Variants in ADAMTS12 observed in about 807,000 individuals in gnomAD.
ADAMTS12 encodes A disintegrin and metalloproteinase with thrombospondin motifs 12.
Under a neutral mutation model 167.8 loss-of-function variants are expected in ADAMTS12, and 118 were observed. The observed-to-expected ratio is 0.70, with a 90% CI of 0.61 to 0.82. The LOEUF (loss-of-function observed/expected upper bound fraction) is 0.82, where lower values mean the gene tolerates loss of function less well. Among genes scored for constraint, ADAMTS12 ranks in the 40% least tolerant of loss-of-function variants. The pLI, the probability that ADAMTS12 is intolerant of heterozygous loss-of-function variation, is 0.00. For missense variants in ADAMTS12, 1,916 were observed against 1,998.8 expected (o/e 0.96, Z 0.79); for synonymous variants, 704 against 716.9 (o/e 0.98, Z 0.29).
chr5:33,696,170 C>T (rs1742753308), intron 3 of ADAMTS12, among the ~76,000 whole-genome samples: 1 of 151,988 alleles, frequency 6.6e-6, no homozygotes, highest in African/African-American at 2.4e-5. Context: ...GCCTGTAATC[C>T]CAGCACTTTG....
At chr5:33,571,436 A>G (rs555303044) in intron 19 of ADAMTS12, among the ~76,000 whole-genome samples, 20 of 152,336 alleles carry the variant, frequency 1.3e-4, no homozygotes, top group African/African-American at 4.3e-4. Flanking sequence ...CTCAGGATTA[A>G]GAAACTCCCT....
intron 22 of ADAMTS12, among the ~76,000 whole-genome samples, chr5:33,542,616 A>C (rs1306755662): frequency 6.6e-6 from 1 of 152,214 alleles, no homozygotes; most frequent in Non-Finnish European, 1.5e-5. Context: ...ATTGGAAGTA[A>C]AGCACTCCTC....
Position 33,527,012 on chromosome 5 carries a change from G to A in ADAMTS12, c.*176C>T. 1 of 775,102 alleles carries A rather than the reference G, an allele frequency of 1.3e-6. No homozygotes were observed. Among genetic ancestry groups the A allele is most frequent in the Non-Finnish European group, 2.0e-6 (1 of 492,106 alleles). The allele number at this position is 775,102 out of a possible 1,614,324, so 48.0% of individuals were successfully genotyped here. On this transcript the variant is annotated 3_prime_UTR_variant, in exon 24 of 24. Transcript: ENST00000504830. ...GGGAGCAGCAAGTACGGCAGCCTAGGCCTCCTGTGAGGGACATTCGGTGGC... is the reference window on the plus strand; with the variant it reads ...GGGAGCAGCAAGTACGGCAGCCTAGACCTCCTGTGAGGGACATTCGGTGGC...
chr5:33,779,791 G>A (rs973532184), intron 2 of ADAMTS12, among the ~76,000 whole-genome samples: 31 of 152,258 alleles, frequency 2.0e-4, no homozygotes, highest in African/African-American at 7.2e-4. Flanking sequence ...GAGAGAGCAG[G>A]ATGGTTGTCA....
chr5:33,802,232 A>G (rs1747039700), intron 2 of ADAMTS12, among the ~76,000 whole-genome samples: 1 of 152,220 alleles, frequency 6.6e-6, no homozygotes, highest in African/African-American at 2.4e-5. Flanking sequence ...ATTTTGTTAT[A>G]GCAGCCCAAA....
intron 5 of ADAMTS12, among the ~76,000 whole-genome samples, chr5:33,670,741 T>C (rs1003949716): frequency 4.6e-5 from 7 of 152,098 alleles, no homozygotes; most frequent in African/African-American, 1.4e-4. Context: ...AGACTCTATC[T>C]CAAAAAACAA....
chr5:33,671,491 TCAAAA>T (rs899775607), intron 5 of ADAMTS12, among the ~76,000 whole-genome samples: 3 of 152,092 alleles, frequency 2.0e-5, no homozygotes, highest in Admixed American at 2.0e-4. Context: ...TACAATGAAC[TCAAAA>T]CAAACAGAAA....
At chr5:33,626,257 G>T (rs1275357460) in intron 13 of ADAMTS12, among the ~76,000 whole-genome samples, 1 of 151,926 alleles carries the variant, frequency 6.6e-6, no homozygotes, top group African/African-American at 2.4e-5. Context: ...TGGGGGGCAG[G>T]ATGGTGGTAG....
chr5:33,716,557 T>C (rs187509927), intron 3 of ADAMTS12, among the ~76,000 whole-genome samples: 4 of 152,276 alleles, frequency 2.6e-5, no homozygotes, highest in African/African-American at 7.2e-5. Flanking sequence ...TCTCCTGTCC[T>C]CCTATGAATC....
chr5:33,849,248 A>C (rs1749093460), intron 2 of ADAMTS12, among the ~76,000 whole-genome samples: 1 of 105,832 alleles, frequency 9.4e-6, no homozygotes, highest in Admixed American at 1.0e-4. Flanking sequence ...TTGCATAGCA[A>C]TATATATATA....
intron 2 of ADAMTS12, among the ~76,000 whole-genome samples, chr5:33,857,155 G>C (rs1400665389): frequency 6.6e-6 from 1 of 152,180 alleles, no homozygotes; most frequent in Non-Finnish European, 1.5e-5. Flanking sequence ...GTGAAGTAAG[G>C]CAGCTGCAGA....
At chr5:33,726,321 T>C (rs1210999151) in intron 3 of ADAMTS12, among the ~76,000 whole-genome samples, 2 of 152,206 alleles carry the variant, frequency 1.3e-5, no homozygotes, top group South Asian at 2.1e-4. Flanking sequence ...GCTGCAGGTG[T>C]GAGCTCCTAA....
intron 3 of ADAMTS12, among the ~76,000 whole-genome samples, chr5:33,712,449 T>C (rs1458192704): frequency 2.0e-5 from 3 of 152,080 alleles, no homozygotes; most frequent in Non-Finnish European, 4.4e-5. Flanking sequence ...GAGCAGCAAG[T>C]TGTGAAAAGG....
intron 3 of ADAMTS12, among the ~76,000 whole-genome samples, chr5:33,721,817 A>G (rs1470074464): frequency 6.6e-6 from 1 of 152,154 alleles, no homozygotes; most frequent in Non-Finnish European, 1.5e-5. Context: ...GCTGAGAGTG[A>G]CACCCGGCAG....
intron 9 of ADAMTS12, among the ~76,000 whole-genome samples, chr5:33,645,592 C>T (rs1165040981): frequency 5.3e-5 from 8 of 151,868 alleles, no homozygotes; most frequent in South Asian, 2.1e-4. Flanking sequence ...TCCTTCTTTC[C>T]GAGGATTTCT....
intron 7 of ADAMTS12, 95 bp from the exon 8 acceptor site, chr5:33,649,792 A>C: frequency 6.7e-7 from 1 of 1,503,642 alleles, no homozygotes; most frequent in African/African-American, 1.4e-5. Context: ...TAACTCACAG[A>C]CAGCCACGTT....
chr5:33,646,735 GT>G (rs10714825), intron 9 of ADAMTS12, among the ~76,000 whole-genome samples: 85,704 of 151,514 alleles, frequency 0.57, 24,850 homozygotes, highest in East Asian at 0.67. Flanking sequence ...CACGTAATAT[GT>G]TAAAAAAACC....
chr5:33,692,615 C>T (rs1230781791), intron 3 of ADAMTS12, among the ~76,000 whole-genome samples: 1 of 152,120 alleles, frequency 6.6e-6, no homozygotes. Context: ...GACATGATGA[C>T]TTAACTCTCC....
chr5:33,658,505 C>A (rs1741142087), intron 6 of ADAMTS12, among the ~76,000 whole-genome samples, 172 bp from the exon 7 acceptor site: 1 of 152,154 alleles, frequency 6.6e-6, no homozygotes, highest in African/African-American at 2.4e-5. Flanking sequence ...TGAGATGATT[C>A]TGATTTTACC....
Sources: allele counts gnomAD v4.1 joint callset (sites outside exome capture counted in the v4.1 genomes callset), GRCh38; gene constraint gnomAD v4.1.1; transcripts MANE v1.5; gene names NCBI Gene and HGNC (gene_info 2026-07-23, HGNC 2026-07-21).